The following IL1RAPL2 variants were observed in gnomAD, a reference collection of about 807,000 sequenced individuals.
IL1RAPL2 encodes interleukin 1 receptor accessory protein like 2.
Under a neutral mutation model 44.1 loss-of-function variants are expected in IL1RAPL2, and 3 were observed. That is an observed-to-expected ratio of 0.07 (90% CI 0.03 to 0.18). The LOEUF (loss-of-function observed/expected upper bound fraction) is 0.18. IL1RAPL2 is among the 10% of genes least tolerant of loss of function. The pLI is 1.00. For synonymous variants in IL1RAPL2, 181 were observed against 178.8 expected, an observed-to-expected ratio of 1.01 and a Z score of -0.10; for missense variants, 391 against 496.4, an observed-to-expected ratio of 0.79 and a Z score of 2.02.
intron 4 of IL1RAPL2, 92 bp from the exon 5 acceptor site, chrX:105,267,296 A>G: frequency 1.3e-6 from 1 of 795,407 alleles, no homozygotes; most frequent in Non-Finnish European, 1.8e-6. Flanking sequence ...GAAAGAGAAT[A>G]ATACAAAAAA....
chrX:104,916,716 A>G (rs1924450191), intron 2 of IL1RAPL2, among the ~76,000 whole-genome samples: 1 of 111,212 alleles, frequency 9.0e-6, no homozygotes, highest in South Asian at 3.8e-4. Context: ...TGTCACAGAT[A>G]GCTCTTATTA....
At chrX:104,848,361 AT>A (rs1399015888) in intron 2 of IL1RAPL2, among the ~76,000 whole-genome samples, 12 of 103,184 alleles carry the variant, frequency 1.2e-4, no homozygotes, top group African/African-American at 4.2e-4. Context: ...TAGGACAAAA[AT>A]TTAGCATATA....
intron 5 of IL1RAPL2, among the ~76,000 whole-genome samples, chrX:105,363,314 T>C (rs1569429212): frequency 1.1e-5 from 1 of 88,358 alleles, no homozygotes; most frequent in Non-Finnish European, 2.1e-5. Flanking sequence ...ATATAATATA[T>C]ATATATATAT....
chrX:105,233,156 T>C (rs981744034), intron 3 of IL1RAPL2, among the ~76,000 whole-genome samples: 4 of 110,775 alleles, frequency 3.6e-5, no homozygotes, highest in Non-Finnish European at 7.6e-5. Flanking sequence ...TGGTGGCGGG[T>C]GCCTGTAGTT....
chrX:105,137,174 A>G (rs115278255), intron 2 of IL1RAPL2, among the ~76,000 whole-genome samples: 9,705 of 111,589 alleles, frequency 0.087, 1,038 homozygotes, highest in African/African-American at 0.3. Context: ...TCCACATATA[A>G]AGTTGTGTTG....
chrX:105,375,829 G>GT (rs2035383359), intron 5 of IL1RAPL2, among the ~76,000 whole-genome samples: 1 of 111,684 alleles, frequency 9.0e-6, no homozygotes, highest in African/African-American at 3.3e-5. Context: ...TTGTTCTCTA[G>GT]TTTTTTCATG....
intron 2 of IL1RAPL2, among the ~76,000 whole-genome samples, chrX:104,885,329 T>A (rs991330964): frequency 4.5e-5 from 5 of 111,350 alleles, no homozygotes; most frequent in African/African-American, 1.3e-4. Flanking sequence ...GTCGTAAACA[T>A]CTATTGACCT....
intron 6 of IL1RAPL2, among the ~76,000 whole-genome samples, chrX:105,554,353 T>A (rs773309249): frequency 1.8e-5 from 2 of 112,764 alleles, no homozygotes; most frequent in African/African-American, 6.4e-5. Flanking sequence ...ATTACAATAA[T>A]TTTTAATTTA....
intron 2 of IL1RAPL2, among the ~76,000 whole-genome samples, chrX:105,011,555 C>A (rs1294264686): frequency 9.0e-6 from 1 of 111,651 alleles, no homozygotes; most frequent in African/African-American, 3.2e-5. Flanking sequence ...CTGGTCAATT[C>A]ATGTAAGTTG....
chrX:105,008,790 A>C (rs1569360138), intron 2 of IL1RAPL2, among the ~76,000 whole-genome samples: 1 of 111,892 alleles, frequency 8.9e-6, no homozygotes, highest in Non-Finnish European at 1.9e-5. Context: ...CACAGCAAAG[A>C]AACTACCATC....
intron 2 of IL1RAPL2, among the ~76,000 whole-genome samples, chrX:104,951,075 G>C (rs952226662): frequency 8.1e-5 from 9 of 111,801 alleles, no homozygotes; most frequent in African/African-American, 1.3e-4. Context: ...TGCGCCCACT[G>C]TCTGGCACTC....
In IL1RAPL2 at chrX:104,655,806, C is replaced by CT. The variant is rs775664192; in HGVS notation, c.-19-3082dup. Among the ~76,000 whole-genome samples the CT allele has an allele frequency of 2.7e-3, 297 of 111,226 alleles. 2 individuals carry two copies. The highest frequency in any genetic ancestry group is 5.1e-3 in the Non-Finnish European group (271 of 52,949). On this transcript the variant is annotated intron_variant, in intron 1 of 10. Transcript: ENST00000372582. ...GGCTGTGAATCCATCAGGTCCTGGA[C>CT]TTTTTTTGGTTGGTAGGCTATTAAT...
rs142643156 is a variant in IL1RAPL2 at position 105,474,673 on chromosome X, G to A, written c.698-9640G>A. Among the ~76,000 whole-genome samples, 506 of 111,533 alleles carry A rather than the reference G, an allele frequency of 4.5e-3. 6 individuals are homozygous for A. The highest frequency in any genetic ancestry group is 0.015 in the African/African-American group (476 of 30,739). ...GAATTACACCAAGTAATCCAAAATC[G>A]AATTTTCATCCCATTCTTTGACCTG... On this transcript the variant is annotated intron_variant, in intron 5 of 10. Transcript: ENST00000372582.
chrX:104,970,652 T>C, intron 2 of IL1RAPL2, among the ~76,000 whole-genome samples: 1 of 112,280 alleles, frequency 8.9e-6, no homozygotes, highest in Non-Finnish European at 1.9e-5. Context: ...CTGGTGGGCA[T>C]GTCTTTGCAG....
At chrX:104,997,986 T>C (rs2030778987) in intron 2 of IL1RAPL2, among the ~76,000 whole-genome samples, 2 of 111,098 alleles carry the variant, frequency 1.8e-5, no homozygotes, top group African/African-American at 6.6e-5. Flanking sequence ...CCTAAGCATG[T>C]AGCTATAAAC....
chrX:105,226,385 CTTTTTTTTTTTTTTTTTTT>C (rs35192051), intron 3 of IL1RAPL2, among the ~76,000 whole-genome samples: 2 of 53,354 alleles, frequency 3.7e-5, no homozygotes, highest in African/African-American at 9.5e-5. Flanking sequence ...TTTCTTTTCC[CTTTTTTTTTTTTTTTTTTT>C]TTTTTTTTTT....
intron 1 of IL1RAPL2, among the ~76,000 whole-genome samples, chrX:104,620,990 A>G (rs1187590545): frequency 9.6e-6 from 1 of 103,808 alleles, no homozygotes; most frequent in East Asian, 2.9e-4. Context: ...ATAATAACAT[A>G]TACATTCTAT....
At chrX:104,860,933 G>A (rs1328490079) in intron 2 of IL1RAPL2, among the ~76,000 whole-genome samples, 2 of 111,268 alleles carry the variant, frequency 1.8e-5, no homozygotes, top group Non-Finnish European at 3.8e-5. Flanking sequence ...TTGGACCCTA[G>A]CTATCTTACT....
chrX:104,837,063 CT>C (rs749799209), intron 2 of IL1RAPL2, among the ~76,000 whole-genome samples: 1 of 111,587 alleles, frequency 9.0e-6, no homozygotes, highest in Admixed American at 9.5e-5. Context: ...TTATCTCATT[CT>C]TTTTTATGGG....
Sources: allele counts gnomAD v4.1 joint callset (sites outside exome capture counted in the v4.1 genomes callset), GRCh38; gene constraint gnomAD v4.1.1; transcripts MANE v1.5; gene names NCBI Gene and HGNC (gene_info 2026-07-23, HGNC 2026-07-21).